Variants in DDI2 observed in about 807,000 individuals in gnomAD.
DDI2 encodes DDI proteasomal shuttling factor 2.
A neutral mutation model predicts 48.1 loss-of-function variants in DDI2; 5 were observed. That is an observed-to-expected ratio of 0.10 (90% CI 0.05 to 0.22). DDI2 has a LOEUF of 0.22. Ranked by LOEUF, DDI2 falls within the 10% of genes least tolerant of loss-of-function variation. The pLI is 1.00. For missense variants in DDI2, 285 were observed against 506.2 expected, an observed-to-expected ratio of 0.56 and a Z score of 4.19; for synonymous variants, 205 against 183.6, an observed-to-expected ratio of 1.12 and a Z score of -0.94.
At chr1:15,651,074 C>T (rs907911376) in intron 7 of DDI2, among the ~76,000 whole-genome samples, 3 of 151,672 alleles carry the variant, frequency 2.0e-5, no homozygotes, top group African/African-American at 7.3e-5. Context: ...AGGATGGTCT[C>T]GATCTCCTGA....
At position 15,662,300 on chromosome 1, in the gene DDI2, G is replaced by A. The variant is rs1640395640; in HGVS notation, c.*2510G>A. ...TAATTGAATATCTTATCGTAGAGTG[G>A]TATGTTTTTATTTGTGTGCTTAGGA... On this transcript the variant is annotated 3_prime_UTR_variant, in exon 10 of 10. Transcript: ENST00000480945. 1 of 152,308 alleles carries A rather than the reference G, an allele frequency of 6.6e-6. No homozygotes were observed. The allele number at this position is 152,308 out of a possible 1,614,324, so 9.4% of individuals were successfully genotyped here. A position where few individuals can be genotyped will look rare whatever the true frequency, so the allele number is the denominator to read the frequency against.
chr1:15,625,424 TTA>T (rs1639737028), intron 1 of DDI2, among the ~76,000 whole-genome samples: 1 of 134,866 alleles, frequency 7.4e-6, no homozygotes, highest in Non-Finnish European at 1.6e-5. Context: ...AGGGCAGATT[TTA>T]TGTTTTTTCA....
intron 4 of DDI2, among the ~76,000 whole-genome samples, chr1:15,635,170 A>G (rs560166403): frequency 1.7e-4 from 26 of 152,028 alleles, no homozygotes; most frequent in Non-Finnish European, 2.5e-4. Flanking sequence ...TGGAGGCTGC[A>G]GTAAGCTATG....
chr1:15,630,629 G>C, intron 3 of DDI2, 68 bp downstream of exon 3: 3 of 1,087,830 alleles, frequency 2.8e-6, no homozygotes, highest in Non-Finnish European at 4.2e-6. Context: ...TAGCAAATGT[G>C]AAGAGACTCA....
At chr1:15,626,122 A>G (rs1639750010) in intron 1 of DDI2, among the ~76,000 whole-genome samples, 1 of 152,214 alleles carries the variant, frequency 6.6e-6, no homozygotes, top group African/African-American at 2.4e-5. Context: ...ATCCATTTCC[A>G]TAAATTCATT....
intron 1 of DDI2, among the ~76,000 whole-genome samples, chr1:15,621,526 A>G (rs1056687740): frequency 1.3e-5 from 2 of 152,096 alleles, no homozygotes; most frequent in Non-Finnish European, 1.5e-5. Context: ...CTGGGACTAC[A>G]GGTGTATGCT....
chr1:15,628,548 A>T (rs1339391155), intron 2 of DDI2, among the ~76,000 whole-genome samples: 1 of 152,220 alleles, frequency 6.6e-6, no homozygotes, highest in African/African-American at 2.4e-5. Context: ...ACTGTCATTT[A>T]TAACATTAAG....
chr1:15,632,114 T>G (rs377327084), intron 3 of DDI2, among the ~76,000 whole-genome samples: 8 of 152,162 alleles, frequency 5.3e-5, no homozygotes, highest in African/African-American at 1.9e-4. Flanking sequence ...CGTGTTAGGC[T>G]TTTCACTCAA....
In DDI2 at chr1:15,666,795, T is replaced by G. The variant is rs541730985; in HGVS notation, c.*7005T>G. Reference sequence around the variant, plus strand: ...TTCAAAAGCAACATCTATTTTTGCCTGTTAGCATGCATTTATTTTAAAAGT... The same window carrying G: ...TTCAAAAGCAACATCTATTTTTGCCGGTTAGCATGCATTTATTTTAAAAGT... On this transcript the variant is annotated 3_prime_UTR_variant, in exon 10 of 10. Coordinates refer to ENST00000480945, the MANE Select transcript of DDI2 (RefSeq NM_032341.5). The G allele has an allele frequency of 6.6e-6, 1 of 152,206 alleles. No homozygotes were observed. Among genetic ancestry groups the G allele is most frequent in the Non-Finnish European group, 1.5e-5 (1 of 68,038 alleles). 9.4% of individuals were successfully genotyped at this position (152,206 alleles called of 1,614,324 possible). A position where few individuals can be genotyped will look rare whatever the true frequency, so the allele number is the denominator to read the frequency against.
In DDI2 at chr1:15,660,939, A is replaced by G. The variant is rs1557626065; in HGVS notation, c.*1149A>G. On this transcript the variant is annotated 3_prime_UTR_variant, in exon 10 of 10. Coordinates refer to ENST00000480945, the MANE Select transcript of DDI2 (RefSeq NM_032341.5). Reference sequence around the variant, plus strand: ...GCCCGTCTATAACGGCAGCCTTGAAAGAACTTCATGAACTTTTGGTTGTTA... The same window carrying G: ...GCCCGTCTATAACGGCAGCCTTGAAGGAACTTCATGAACTTTTGGTTGTTA... 6 of 1,613,340 alleles carry G rather than the reference A, an allele frequency of 3.7e-6. No homozygotes were observed. Among genetic ancestry groups the G allele is most frequent in the Non-Finnish European group, 4.2e-6 (5 of 1,179,690 alleles).
chr1:15,622,853 A>C (rs1639689826), intron 1 of DDI2, among the ~76,000 whole-genome samples: 2 of 152,164 alleles, frequency 1.3e-5, no homozygotes, highest in African/African-American at 4.8e-5. Context: ...GCTAAGCTTT[A>C]GTTGATCTCA....
intron 5 of DDI2, among the ~76,000 whole-genome samples, chr1:15,638,845 C>G (rs772769289): frequency 1.2e-4 from 19 of 152,154 alleles, no homozygotes; most frequent in Admixed American, 1.3e-4. Flanking sequence ...CTTACTGTTT[C>G]ACTTGCGAGG....
At chr1:15,642,932 T>TG (rs1640032905) in intron 5 of DDI2, among the ~76,000 whole-genome samples, 1 of 152,070 alleles carries the variant, frequency 6.6e-6, no homozygotes, top group Admixed American at 6.5e-5. Flanking sequence ...CCGGGTGTGG[T>TG]GGTGGGCAAC....
intron 8 of DDI2, among the ~76,000 whole-genome samples, chr1:15,655,614 A>G (rs1484562949): frequency 6.6e-6 from 1 of 151,998 alleles, no homozygotes; most frequent in East Asian, 1.9e-4. Flanking sequence ...TTAGCCAGGC[A>G]TGGTTGTGGG....
intron 6 of DDI2, among the ~76,000 whole-genome samples, chr1:15,645,187 C>A (rs1640071503): frequency 6.6e-6 from 1 of 152,234 alleles, no homozygotes; most frequent in Non-Finnish European, 1.5e-5. Context: ...CCACCGTTCC[C>A]AGCCTTCTTT....
intron 6 of DDI2, among the ~76,000 whole-genome samples, chr1:15,645,940 C>CT (rs1480206561): frequency 4.0e-5 from 6 of 151,210 alleles, no homozygotes; most frequent in Middle Eastern, 3.2e-3. Flanking sequence ...AGCCATGGCT[C>CT]TTGTGGCCTT....
chr1:15,617,939 C>T (rs780332300), intron 1 of DDI2, 131 bp downstream of exon 1: 3 of 1,312,794 alleles, frequency 2.3e-6, no homozygotes, highest in Non-Finnish European at 2.0e-6. Context: ...TCAGGTCACC[C>T]CCGCATCCGG....
At chr1:15,621,844 T>C (rs1187162007) in intron 1 of DDI2, among the ~76,000 whole-genome samples, 1 of 152,234 alleles carries the variant, frequency 6.6e-6, no homozygotes, top group Non-Finnish European at 1.5e-5. Context: ...AGCCTCCATT[T>C]CTGTTTTCTC....
intron 9 of DDI2, among the ~76,000 whole-genome samples, chr1:15,657,555 T>C (rs1349852584): frequency 6.6e-6 from 1 of 152,214 alleles, no homozygotes; most frequent in Non-Finnish European, 1.5e-5. Flanking sequence ...AAACTGACCT[T>C]CTCAGCTACA....
Sources: gnomAD v4.1 joint callset for allele counts (sites outside exome capture counted in the v4.1 genomes callset) on GRCh38, gnomAD v4.1.1 for gene constraint, MANE v1.5 for transcripts, NCBI Gene and HGNC (gene_info 2026-07-23, HGNC 2026-07-21) for gene names.